The following EIF3J variants were observed in gnomAD, a reference collection of about 807,000 sequenced individuals.
EIF3J encodes eukaryotic translation initiation factor 3, subunit 1 (alpha, 35kD).
Under a neutral mutation model 39.0 loss-of-function variants are expected in EIF3J, and 15 were observed. The ratio of observed to expected loss-of-function variants is 0.38; its 90% CI spans 0.26 to 0.59. The LOEUF (loss-of-function observed/expected upper bound fraction) is 0.59, where lower values mean the gene tolerates loss of function less well. EIF3J is among the 20% of genes least tolerant of loss of function. The pLI is 0.60. For synonymous variants in EIF3J, 98 were observed against 112.9 expected, an observed-to-expected ratio of 0.87 and a Z score of 0.84; for missense variants, 226 against 308.6, an observed-to-expected ratio of 0.73 and a Z score of 2.00.
At chr15:44,560,363 G>T in intron 7 of EIF3J, 41 bp downstream of exon 7, 1 of 1,584,416 alleles carries the variant, frequency 6.3e-7, no homozygotes, top group South Asian at 1.1e-5. Flanking sequence ...TTAAATTAGA[G>T]TGGGGTTATA....
intron 7 of EIF3J, 124 bp from the exon 8 acceptor site, chr15:44,560,894 T>A: frequency 7.6e-7 from 1 of 1,311,212 alleles, no homozygotes; most frequent in Non-Finnish European, 1.0e-6. Context: ...GGCTCGGATG[T>A]CCCTTACAGA....
intron 2 of EIF3J, 152 bp from the exon 3 acceptor site, chr15:44,550,724 T>C: frequency 1.8e-6 from 1 of 570,284 alleles, no homozygotes; most frequent in Admixed American, 3.2e-5. Context: ...CTCAGCATTA[T>C]AAGATGTCAA....
intron 2 of EIF3J, among the ~76,000 whole-genome samples, chr15:44,543,018 T>G (rs2082025064): frequency 6.6e-6 from 1 of 152,250 alleles, no homozygotes. Flanking sequence ...CTAGGAAGCC[T>G]TTTTACATTT....
chr15:44,541,129 A>T (rs1469726559), intron 2 of EIF3J, among the ~76,000 whole-genome samples: 1 of 152,138 alleles, frequency 6.6e-6, no homozygotes, highest in Non-Finnish European at 1.5e-5. Flanking sequence ...GGCTTTATTT[A>T]CCTTTTTTAC....
At chr15:44,551,084 C>T (rs2082095121) in intron 3 of EIF3J, among the ~76,000 whole-genome samples, 154 bp downstream of exon 3, 2 of 152,318 alleles carry the variant, frequency 1.3e-5, no homozygotes, top group South Asian at 2.1e-4. Flanking sequence ...GTTTTCCCTG[C>T]AACTTTTCTC....
intron 5 of EIF3J, among the ~76,000 whole-genome samples, chr15:44,555,332 A>G (rs140418589): frequency 7.2e-5 from 11 of 152,240 alleles, no homozygotes; most frequent in Non-Finnish European, 1.0e-4. Flanking sequence ...GTAGAAGATC[A>G]TGTTGAAACA....
At chr15:44,544,703 TAAAAAAAA>T (rs34101594) in intron 2 of EIF3J, among the ~76,000 whole-genome samples, 4 of 85,430 alleles carry the variant, frequency 4.7e-5, no homozygotes, top group African/African-American at 2.0e-4. Context: ...AAACTCCATT[TAAAAAAAA>T]AAAAAAAAAA....
Position 44,562,540 on chromosome 15 carries a change from GT to G in EIF3J, c.*1392del, listed in dbSNP as rs1951389900. 1 of 153,118 alleles carries G rather than the reference GT, an allele frequency of 6.5e-6. No individual in the cohort carries two copies. The highest frequency in any genetic ancestry group is 1.5e-5 in the Non-Finnish European group (1 of 68,454). The allele number at this position is 153,118 out of a possible 1,614,324, so 9.5% of individuals were successfully genotyped here. ...GAAATAATAGGAACGTCAAAGCTCTGTATACCTACTAAGTGGAAAACAAGAC... is the reference window on the plus strand; with the variant it reads ...GAAATAATAGGAACGTCAAAGCTCTGATACCTACTAAGTGGAAAACAAGAC... On this transcript the variant is annotated 3_prime_UTR_variant, in exon 8 of 8. Transcript: ENST00000261868.
chr15:44,561,051 G>T lies in EIF3J; in HGVS notation c.679G>T (p.Val227Phe). 6.2e-7 allele frequency: 1 copy of T among 1,613,668 alleles called. No individual in the cohort carries two copies. The highest frequency in any genetic ancestry group is 8.5e-7 in the Non-Finnish European group (1 of 1,179,806). Residue 227 changes from valine (V) to phenylalanine (F), a missense_variant, in exon 8 of 8, where the codon GTT becomes TTT. Val to Phe is a conservative substitution (Grantham distance 50). This residue lies in a region of EIF3J where 83 missense variants were observed against 152.6 expected (regional missense o/e 0.54). Transcript: ENST00000261868. ...SKAKKKKKGVVPGGGLKATMK... is the reference protein window; with the variant it reads ...SKAKKKKKGVFPGGGLKATMK... The stretch of plus-strand genomic sequence containing the variant: ...AGCCAAAAAGAAGAAGAAAGGTGTG[G>T]TTCCTGGAGGGGGATTAAAAGCCAC...
intron 2 of EIF3J, among the ~76,000 whole-genome samples, chr15:44,541,296 A>T (rs1280811355): frequency 6.6e-6 from 1 of 152,220 alleles, no homozygotes; most frequent in African/African-American, 2.4e-5. Flanking sequence ...CCATTTTACT[A>T]GTCTCCTAGC....
intron 2 of EIF3J, among the ~76,000 whole-genome samples, chr15:44,542,341 T>G (rs965545358): frequency 1.3e-5 from 2 of 152,192 alleles, no homozygotes; most frequent in Non-Finnish European, 2.9e-5. Context: ...GCTTTTTTTT[T>G]CTTTCCCAGC....
intron 4 of EIF3J, among the ~76,000 whole-genome samples, chr15:44,552,374 G>C (rs1176279970): frequency 1.3e-5 from 2 of 151,660 alleles, no homozygotes; most frequent in African/African-American, 2.4e-5. Flanking sequence ...CAGCATCCCA[G>C]GTTGGAATTA....
intron 4 of EIF3J, among the ~76,000 whole-genome samples, chr15:44,554,319 A>G (rs998689657): frequency 3.3e-5 from 5 of 150,016 alleles, no homozygotes; most frequent in African/African-American, 9.8e-5. Flanking sequence ...AGAGGTTACA[A>G]TGAGCGAAGA....
chr15:44,539,313 A>C lies in EIF3J; in HGVS notation c.147+1886A>C, dbSNP rs539700438. On this transcript the variant is annotated intron_variant, in intron 2 of 7. Transcript: ENST00000261868. ...AGTGCTGGAATTATAGGCGTGAGCT[A>C]CCGTACCCAGCCTCTGATGAATATA... 5.3e-5 allele frequency among the ~76,000 whole-genome samples: 8 copies of C among 152,132 alleles called. No individual in the cohort carries two copies. The East Asian group carries it at 1.5e-3, about 29-fold the overall frequency.
At chr15:44,548,308 C>G (rs762350399) in intron 2 of EIF3J, among the ~76,000 whole-genome samples, 4 of 152,080 alleles carry the variant, frequency 2.6e-5, no homozygotes, top group Non-Finnish European at 5.9e-5. Flanking sequence ...CCAGCTACTC[C>G]AGAGGCTGAG....
At chr15:44,559,389 T>C (rs1448914885) in intron 6 of EIF3J, among the ~76,000 whole-genome samples, 2 of 138,490 alleles carry the variant, frequency 1.4e-5, no homozygotes, top group Admixed American at 1.5e-4. Context: ...CCCAGCCTGG[T>C]GACAAAGCGA....
chr15:44,543,101 G>A (rs2082025714), intron 2 of EIF3J, among the ~76,000 whole-genome samples: 2 of 152,288 alleles, frequency 1.3e-5, no homozygotes, highest in African/African-American at 2.4e-5. Context: ...TTGAAGCAGC[G>A]TGGTGAACAT....
rs984191789 is a variant in EIF3J, at chr15:44,562,082, G to GACTT, written c.*935_*938dup. The GACTT allele has an allele frequency of 6.6e-6, 1 of 152,600 alleles. No individual in the cohort carries two copies. Among genetic ancestry groups the GACTT allele is most frequent in the African/African-American group, 2.4e-5 (1 of 41,432 alleles). 9.5% of individuals were successfully genotyped at this position (152,600 alleles called of 1,614,324 possible). A position where few individuals can be genotyped will look rare whatever the true frequency, so the allele number is the denominator to read the frequency against. ...AATTTAATAAAATCACTGTTGTGAG[G>GACTT]ACTTAAATTTTGTGTTACCTCCCAA... On this transcript the variant is annotated 3_prime_UTR_variant, in exon 8 of 8. Transcript: ENST00000261868.
intron 2 of EIF3J, among the ~76,000 whole-genome samples, chr15:44,540,711 G>A (rs2082008249): frequency 6.6e-6 from 1 of 152,202 alleles, no homozygotes; most frequent in Non-Finnish European, 1.5e-5. Flanking sequence ...AAAATGCTGG[G>A]ATTATGGGCG....
Sources: gnomAD v4.1 joint callset for allele counts (sites outside exome capture counted in the v4.1 genomes callset) on GRCh38, gnomAD v4.1.1 for gene constraint, gnomAD v4.1.1 regional missense constraint, MANE v1.5 for transcripts, NCBI Gene and HGNC (gene_info 2026-07-23, HGNC 2026-07-21) for gene names.